Variants in SMG6 observed in about 807,000 individuals in gnomAD.
The protein encoded by SMG6 is SMG6 nonsense mediated mRNA decay factor.
A neutral mutation model predicts 142.2 loss-of-function variants in SMG6; 66 were observed. That is an observed-to-expected ratio of 0.46 (90% CI 0.38 to 0.57). The LOEUF (loss-of-function observed/expected upper bound fraction) is 0.57, where lower values mean the gene tolerates loss of function less well. Among genes scored for constraint, SMG6 ranks in the 20% least tolerant of loss-of-function variants. SMG6 has a pLI of 0.00. For synonymous variants in SMG6, 779 were observed against 702.4 expected, an observed-to-expected ratio of 1.11 and a Z score of -1.72; for missense variants, 1,793 against 1,832.0, an observed-to-expected ratio of 0.98 and a Z score of 0.39.
chr17:2,286,661 C>T (rs1213554020), intron 6 of SMG6, among the ~76,000 whole-genome samples: 2 of 151,922 alleles, frequency 1.3e-5, no homozygotes, highest in African/African-American at 4.8e-5. Flanking sequence ...AAGAAGAAAA[C>T]GTAGAGGTAA....
intron 10 of SMG6, among the ~76,000 whole-genome samples, chr17:2,204,179 CA>C (rs1315251455): frequency 1.3e-5 from 2 of 152,104 alleles, no homozygotes; most frequent in African/African-American, 4.8e-5. Context: ...AAAAATAAAA[CA>C]ATTCCGAGAT....
At chr17:2,196,086 G>A (rs769864599) in intron 10 of SMG6, among the ~76,000 whole-genome samples, 2 of 152,142 alleles carry the variant, frequency 1.3e-5, no homozygotes, top group Non-Finnish European at 2.9e-5. Context: ...CTAACAGAAC[G>A]TACGGAAACG....
At chr17:2,233,922 ACT>A (rs2073572504) in intron 10 of SMG6, among the ~76,000 whole-genome samples, 1 of 152,124 alleles carries the variant, frequency 6.6e-6, no homozygotes, top group South Asian at 2.1e-4. Context: ...CTCTGTCCTC[ACT>A]GAGTGTTATA....
At chr17:2,159,281 T>A (rs1395131346) in intron 13 of SMG6, among the ~76,000 whole-genome samples, 1 of 151,834 alleles carries the variant, frequency 6.6e-6, no homozygotes, top group South Asian at 2.1e-4. Context: ...AAAAATTAGG[T>A]GGGTGTGTGG....
chr17:2,163,461 C>G (rs1045816955), intron 13 of SMG6, among the ~76,000 whole-genome samples: 1 of 152,048 alleles, frequency 6.6e-6, no homozygotes, highest in Non-Finnish European at 1.5e-5. Context: ...ATTAGAGGTG[C>G]GAGCCACTGT....
chr17:2,099,657 T>G (rs566456238), intron 13 of SMG6, among the ~76,000 whole-genome samples: 2 of 152,172 alleles, frequency 1.3e-5, no homozygotes, highest in African/African-American at 4.8e-5. Context: ...TGCCTCATAG[T>G]TGGAGACAAG....
At chr17:2,285,511 T>C (rs947899034) in intron 6 of SMG6, among the ~76,000 whole-genome samples, 13 of 152,074 alleles carry the variant, frequency 8.5e-5, no homozygotes, top group African/African-American at 2.9e-4. Flanking sequence ...TTCTATATAC[T>C]AGCAATGAGC....
intron 13 of SMG6, among the ~76,000 whole-genome samples, chr17:2,151,325 T>C (rs1404870959): frequency 6.6e-6 from 1 of 152,266 alleles, no homozygotes; most frequent in East Asian, 1.9e-4. Flanking sequence ...TTATATTCAA[T>C]TGATTTGTCT....
chr17:2,147,325 A>C (rs994897905), intron 13 of SMG6, among the ~76,000 whole-genome samples: 1 of 151,898 alleles, frequency 6.6e-6, no homozygotes, highest in Non-Finnish European at 1.5e-5. Context: ...CCTGGGAGGC[A>C]GAGGTTGCAG....
At chr17:2,291,903 A>T (rs2075047387) in intron 6 of SMG6, among the ~76,000 whole-genome samples, 1 of 150,270 alleles carries the variant, frequency 6.7e-6, no homozygotes, top group South Asian at 2.1e-4. Flanking sequence ...GCTAATGAGC[A>T]TCTTATTTGT....
chr17:2,229,021 AGAG>A (rs2073395630), intron 10 of SMG6, among the ~76,000 whole-genome samples: 1 of 149,194 alleles, frequency 6.7e-6, no homozygotes, highest in Non-Finnish European at 1.5e-5. Context: ...TTCTAAAAGA[AGAG>A]GGATATTAGA....
intron 13 of SMG6, chr17:2,117,801 C>T (rs2069553443): frequency 6.6e-6 from 1 of 152,182 alleles, no homozygotes; most frequent in African/African-American, 2.4e-5. Context: ...CATGACACCC[C>T]TGCTTATATG....
chr17:2,192,911 T>C (rs139587585), intron 10 of SMG6, among the ~76,000 whole-genome samples: 158 of 152,294 alleles, frequency 1.0e-3, no homozygotes, highest in Non-Finnish European at 1.9e-3. Context: ...TTTTCATCAT[T>C]TTATTCCCTG....
At chr17:2,221,318 G>A (rs62069336) in intron 10 of SMG6, among the ~76,000 whole-genome samples, 1 of 152,074 alleles carries the variant, frequency 6.6e-6, no homozygotes, top group South Asian at 2.1e-4. Flanking sequence ...CGGGACATCT[G>A]GTTGTTTTAA....
chr17:2,192,337 G>A (rs962782195), intron 10 of SMG6, among the ~76,000 whole-genome samples: 2 of 152,252 alleles, frequency 1.3e-5, no homozygotes, highest in Admixed American at 6.5e-5. Context: ...GGAACTATCA[G>A]AGTTCCCTTG....
chr17:2,112,465 G>A (rs1471956482), intron 13 of SMG6, among the ~76,000 whole-genome samples: 8 of 151,070 alleles, frequency 5.3e-5, no homozygotes, highest in South Asian at 4.2e-4. Context: ...CCGAGATCGT[G>A]CCACTGCACT....
chr17:2,231,642 A>G (rs967973476), intron 10 of SMG6, among the ~76,000 whole-genome samples: 2 of 152,120 alleles, frequency 1.3e-5, no homozygotes, highest in Non-Finnish European at 1.5e-5. Context: ...GGTTGCAGTG[A>G]GCCGAGATCG....
rs35087650 is a variant in SMG6, at chr17:2,155,055, A to AT, written c.3357+17602dup. 3.1e-3 allele frequency among the ~76,000 whole-genome samples: 441 copies of AT among 143,582 alleles called. 5 individuals carry two copies. In the East Asian group the frequency reaches 0.04, roughly 13 times the overall value. 94.2% of individuals were successfully genotyped at this position (143,582 alleles called of 152,430 possible). On this transcript the variant is annotated intron_variant, in intron 13 of 18. Coordinates refer to ENST00000263073, the MANE Select transcript of SMG6 (RefSeq NM_017575.5). ...AACAAAGTATACTCTGAGAAAAAAA[A>AT]TTTTTTTTTTTTTTTGAGATGGAGT... is the stretch of plus-strand genomic sequence containing the variant.
intron 13 of SMG6, among the ~76,000 whole-genome samples, chr17:2,103,250 TG>T (rs138681707): frequency 0.029 from 4,478 of 152,278 alleles, 80 homozygotes; most frequent in Middle Eastern, 0.044. Flanking sequence ...CTGAGCTTGA[TG>T]GAGGAGCTCA....
Sources: allele counts gnomAD v4.1 joint callset (sites outside exome capture counted in the v4.1 genomes callset), GRCh38; gene constraint gnomAD v4.1.1; transcripts MANE v1.5; gene names NCBI Gene and HGNC (gene_info 2026-07-23, HGNC 2026-07-21).